GABRA2: variants seen among roughly 807,000 people sequenced by gnomAD.
GABRA2 encodes the protein gamma-aminobutyric acid receptor subunit alpha-2.
A neutral mutation model predicts 48.7 loss-of-function variants in GABRA2; 16 were observed. The observed-to-expected ratio is 0.33, with a 90% confidence interval of 0.22 to 0.50. GABRA2 has a LOEUF of 0.50. Ranked by LOEUF, GABRA2 falls within the 20% of genes least tolerant of loss-of-function variation. GABRA2 has a pLI of 0.98. For synonymous variants in GABRA2, 185 were observed against 184.5 expected (o/e 1.00, Z -0.02); for missense variants, 275 against 535.6 (o/e 0.51, Z 4.80).
At chr4:46,376,364 G>A (rs1443364080) in intron 3 of GABRA2, among the ~76,000 whole-genome samples, 1 of 152,124 alleles carries the variant, frequency 6.6e-6, no homozygotes, top group Admixed American at 6.5e-5. Context: ...TTTATCCACT[G>A]TGTATTAAGG....
rs1369480240 is a variant in GABRA2, at chr4:46,244,099, A to G, written c.*6209T>C. ...TGCAGGCACCCAAGATTAACAAGCA[A>G]TAAGGACTTAACTGTGGATGGTAAA... On this transcript the variant is annotated 3_prime_UTR_variant, in exon 10 of 10. Transcript: ENST00000381620. 5 of 151,534 alleles carry G rather than the reference A, an allele frequency of 3.3e-5. No individual in the cohort carries two copies. Among genetic ancestry groups the G allele is most frequent in the Non-Finnish European group, 7.4e-5 (5 of 67,630 alleles). 9.4% of individuals were successfully genotyped at this position (151,534 alleles called of 1,614,324 possible).
chr4:46,339,014 T>A (rs1462505063), intron 3 of GABRA2, among the ~76,000 whole-genome samples: 2 of 151,884 alleles, frequency 1.3e-5, no homozygotes, highest in Non-Finnish European at 2.9e-5. Flanking sequence ...TATGGATGGG[T>A]ATATAGTTCC....
At chr4:46,262,608 T>A (rs1309912131) in intron 8 of GABRA2, among the ~76,000 whole-genome samples, 1 of 152,120 alleles carries the variant, frequency 6.6e-6, no homozygotes, top group Non-Finnish European at 1.5e-5. Flanking sequence ...GATTTAAACA[T>A]ACTTCAAGAG....
In GABRA2 at chr4:46,250,291, A is replaced by G; in HGVS notation, c.*17T>C. ...TTTAATGTTGCTATACATCCCAAAGATAACATGGGTCTCAATTCAAGGACT... is the reference window on the plus strand; with the variant it reads ...TTTAATGTTGCTATACATCCCAAAGGTAACATGGGTCTCAATTCAAGGACT... On this transcript the variant is annotated 3_prime_UTR_variant, in exon 10 of 10. Coordinates refer to ENST00000381620, the MANE Select transcript of GABRA2 (RefSeq NM_000807.4). 6.3e-7 allele frequency: 1 copy of G among 1,596,388 alleles called. No individual in the cohort carries two copies. Among genetic ancestry groups the G allele is most frequent in the East Asian group, 2.2e-5 (1 of 44,654 alleles).
chr4:46,339,204 T>C (rs2109845429), intron 3 of GABRA2, among the ~76,000 whole-genome samples: 1 of 152,024 alleles, frequency 6.6e-6, no homozygotes, highest in East Asian at 1.9e-4. Context: ...ATGTGGCCAT[T>C]TAAATTAAAT....
At chr4:46,334,918 T>A (rs1243518085) in intron 3 of GABRA2, among the ~76,000 whole-genome samples, 1 of 152,168 alleles carries the variant, frequency 6.6e-6, no homozygotes, top group Non-Finnish European at 1.5e-5. Context: ...CAATAGTGTC[T>A]AAGTCTGGGA....
At chr4:46,307,002 C>A (rs1726817112) in intron 6 of GABRA2, among the ~76,000 whole-genome samples, 1 of 151,768 alleles carries the variant, frequency 6.6e-6, no homozygotes, top group Non-Finnish European at 1.5e-5. Context: ...AGTGAAACAC[C>A]ATTATCACTA....
rs557059861 is a variant in GABRA2 at position 46,293,369 on chromosome 4, A to T, written c.856+10091T>A. 2.6e-5 allele frequency among the ~76,000 whole-genome samples: 4 copies of T among 152,132 alleles called. No individual in the cohort carries two copies. The East Asian group carries it at 7.7e-4, about 29-fold the overall frequency. ...CTTTCTCCCATTCTTCCCCAAGGAG[A>T]CCTTTTATCAGGGGAGCTGTGCACT... On this transcript the variant is annotated intron_variant, in intron 8 of 9. Transcript: ENST00000381620.
At chr4:46,368,694 G>C in intron 3 of GABRA2, 1 of 343,260 alleles carries the variant, frequency 2.9e-6, no homozygotes, top group East Asian at 4.4e-5. Context: ...CACAGATTTT[G>C]TTTAGTTTGA....
intron 8 of GABRA2, among the ~76,000 whole-genome samples, chr4:46,299,058 A>G (rs1725262960): frequency 6.6e-6 from 1 of 151,246 alleles, no homozygotes; most frequent in Non-Finnish European, 1.5e-5. Flanking sequence ...TTCAATTTTG[A>G]CTCATAAAAA....
intron 8 of GABRA2, among the ~76,000 whole-genome samples, chr4:46,276,489 T>C (rs1056178121): frequency 1.3e-5 from 2 of 151,402 alleles, no homozygotes; most frequent in Non-Finnish European, 2.9e-5. Flanking sequence ...AACAGTTAAC[T>C]AGGAGAATTC....
chr4:46,389,422 G>C (rs1421334568), intron 1 of GABRA2: 2 of 985,078 alleles, frequency 2.0e-6, no homozygotes, highest in African/African-American at 3.5e-5. Flanking sequence ...GAGAAGGCGC[G>C]TGAGGCTCCG....
intron 9 of GABRA2, among the ~76,000 whole-genome samples, chr4:46,252,129 C>T (rs1714891958): frequency 6.6e-6 from 1 of 151,240 alleles, no homozygotes; most frequent in Non-Finnish European, 1.5e-5. Flanking sequence ...CTCTGAAAGC[C>T]CAGGAGATTC....
At position 46,246,184 on chromosome 4, in the gene GABRA2, A is replaced by G. The variant is rs1713685927; in HGVS notation, c.*4124T>C. On this transcript the variant is annotated 3_prime_UTR_variant, in exon 10 of 10. Transcript: ENST00000381620. ...CTACTTTCTCGGAAGTTAAAAAGGG[A>G]AAAATGCTTCACTTGGTTTAATTAA... 6.6e-6 allele frequency among the ~76,000 whole-genome samples: 1 copy of G among 151,080 alleles called. No homozygotes were observed. The highest frequency in any genetic ancestry group is 1.5e-5 in the Non-Finnish European group (1 of 67,450).
At chr4:46,322,398 G>A (rs999691054) in intron 4 of GABRA2, among the ~76,000 whole-genome samples, 19 of 151,786 alleles carry the variant, frequency 1.3e-4, no homozygotes, top group Non-Finnish European at 2.4e-4. Context: ...GGCCCTGCAC[G>A]ATCTCTTCCT....
rs149522806 is a variant in GABRA2, at chr4:46,317,057, A to G, written c.256-4341T>C. Among the ~76,000 whole-genome samples the G allele has an allele frequency of 3.3e-3, 495 of 152,056 alleles. 1 individual carries two copies. Among genetic ancestry groups the G allele is most frequent in the African/African-American group, 0.011 (445 of 41,554 alleles). ...CAAAATGAGATGGGAAAATGTGGCT[A>G]TAGGAAGGGGTAAAGAACTTGAGCC... On this transcript the variant is annotated intron_variant, in intron 4 of 9. Transcript: ENST00000381620.
intron 3 of GABRA2, among the ~76,000 whole-genome samples, chr4:46,380,063 G>A (rs1461925758): frequency 6.6e-6 from 1 of 152,076 alleles, no homozygotes; most frequent in Non-Finnish European, 1.5e-5. Context: ...TTGCTGTTGA[G>A]GTGTCTGGTA....
chr4:46,251,109 C>A (rs1714665240), intron 9 of GABRA2, among the ~76,000 whole-genome samples: 1 of 151,438 alleles, frequency 6.6e-6, no homozygotes, highest in Admixed American at 6.6e-5. Context: ...GATGGCAGTG[C>A]AACAAATACT....
rs890710393 is a variant in GABRA2, at chr4:46,384,421, G to A, written c.187+1653C>T. On this transcript the variant is annotated intron_variant, in intron 3 of 9. Transcript: ENST00000381620. The stretch of plus-strand genomic sequence containing the variant: ...TGTAAATCTCTATTTGAATGCAAGC[G>A]TTGGAAATAAAAAGGATGCAAGATT... Among the ~76,000 whole-genome samples the A allele has an allele frequency of 5.3e-5, 8 of 152,240 alleles. No homozygotes were observed. In the East Asian group the frequency reaches 9.7e-4, roughly 18 times the overall value.
Sources: gnomAD v4.1 joint callset for allele counts (sites outside exome capture counted in the v4.1 genomes callset) on GRCh38, gnomAD v4.1.1 for gene constraint, MANE v1.5 for transcripts, NCBI Gene and HGNC (gene_info 2026-07-23, HGNC 2026-07-21) for gene names.